The following ZNF33A variants were observed in gnomAD, a reference collection of about 807,000 sequenced individuals.
ZNF33A encodes brain my041 protein.
In ZNF33A, 9 loss-of-function variants were observed where a neutral mutation model predicts 15.9. That is an observed-to-expected ratio of 0.57 (90% CI 0.34 to 0.99). The LOEUF (loss-of-function observed/expected upper bound fraction) is 0.99. ZNF33A is among the 50% of genes least tolerant of loss of function. The pLI is 0.02. For missense variants in ZNF33A, 843 were observed against 941.6 expected (o/e 0.90, Z 1.37); for synonymous variants, 294 against 324.2 (o/e 0.91, Z 1.00).
At chr10:38,046,248 G>A (rs2065941744) in intron 4 of ZNF33A, among the ~76,000 whole-genome samples, 1 of 152,126 alleles carries the variant, frequency 6.6e-6, no homozygotes, top group Admixed American at 6.6e-5. Flanking sequence ...TGAATGTTCA[G>A]CAAAGTACTA....
chr10:38,014,537 T>C (rs2064356082), intron 2 of ZNF33A, among the ~76,000 whole-genome samples: 1 of 152,254 alleles, frequency 6.6e-6, no homozygotes. Flanking sequence ...TGTCTACTTC[T>C]GTATGAGGTA....
chr10:38,056,282 T>C lies in ZNF33A; in HGVS notation c.2158T>C (p.Ser720Pro). Residue 720 changes from serine (S) to proline (P), a missense_variant, in exon 5 of 5, where the codon TCT (serine) becomes CCT (proline). By Grantham distance (74) the Ser-to-Pro change is moderately conservative (BLOSUM62 -1). Transcript: ENST00000432900. ...TCACAGGGCTCACACAGGAGAGAAA[T>C]CTTGTCAATGTAATGAATGTGGAAA... ...VHHRAHTGEK[S>P]CQCNECGKIF... 6.2e-7 allele frequency: 1 copy of C among 1,613,966 alleles called. No homozygotes were observed. The highest frequency in any genetic ancestry group is 8.5e-7 in the Non-Finnish European group (1 of 1,179,968).
intron 4 of ZNF33A, among the ~76,000 whole-genome samples, chr10:38,024,163 C>CAAAAAAAAAAAAAAAAAA (rs71007682): frequency 5.4e-5 from 5 of 93,188 alleles, no homozygotes; most frequent in Non-Finnish European, 6.2e-5. Context: ...AAAAACAAAA[C>CAAAAAAAAAAAAAAAAAA]AAAAAAAAAA....
chr10:38,022,097 T>C (rs1457739469), intron 4 of ZNF33A, among the ~76,000 whole-genome samples: 1 of 151,794 alleles, frequency 6.6e-6, no homozygotes, highest in African/African-American at 2.4e-5. Flanking sequence ...AAGAGCAAAA[T>C]AAAACCTCTG....
chr10:38,047,593 T>C (rs1564867470), intron 4 of ZNF33A, among the ~76,000 whole-genome samples: 1 of 115,240 alleles, frequency 8.7e-6, no homozygotes, highest in Non-Finnish European at 1.7e-5. Flanking sequence ...ACCACTGCAC[T>C]CCAGCCTGGC....
intron 4 of ZNF33A, among the ~76,000 whole-genome samples, chr10:38,032,140 G>A (rs2135635169): frequency 6.6e-6 from 1 of 152,034 alleles, no homozygotes. Flanking sequence ...AATAAAACAA[G>A]GGTTGGGAAG....
chr10:38,024,406 A>T (rs2064895186), intron 4 of ZNF33A, among the ~76,000 whole-genome samples: 1 of 152,194 alleles, frequency 6.6e-6, no homozygotes, highest in South Asian at 2.1e-4. Flanking sequence ...GATGAAAGAA[A>T]TAATAGAAAT....
chr10:38,047,209 A>AAG, intron 4 of ZNF33A, among the ~76,000 whole-genome samples: 1 of 149,650 alleles, frequency 6.7e-6, no homozygotes, highest in East Asian at 2.0e-4. Context: ...AAAAAAAAAA[A>AAG]AAAAGAATAA....
At chr10:38,012,637 G>A (rs2064246532) in intron 2 of ZNF33A, among the ~76,000 whole-genome samples, 1 of 152,042 alleles carries the variant, frequency 6.6e-6, no homozygotes, top group Non-Finnish European at 1.5e-5. Flanking sequence ...TCACCGTGTT[G>A]CCTAGGCTGG....
intron 4 of ZNF33A, among the ~76,000 whole-genome samples, chr10:38,046,642 C>T (rs2065958119): frequency 6.6e-6 from 1 of 152,128 alleles, no homozygotes; most frequent in Admixed American, 6.5e-5. Context: ...GACTTACAGA[C>T]ATGTGGGAAA....
intron 4 of ZNF33A, among the ~76,000 whole-genome samples, chr10:38,028,586 GC>G (rs1267891220): frequency 2.0e-5 from 3 of 151,812 alleles, no homozygotes; most frequent in Non-Finnish European, 2.9e-5. Context: ...TCATGCCTCA[GC>G]CTCCCAAGTA....
chr10:38,048,801 T>C (rs1474382059), intron 4 of ZNF33A, among the ~76,000 whole-genome samples: 1 of 152,072 alleles, frequency 6.6e-6, no homozygotes, highest in African/African-American at 2.4e-5. Context: ...GAAGGAGAAA[T>C]AGATCCACAG....
Position 38,056,742 on chromosome 10 carries a change from A to G in ZNF33A, c.*182A>G. The G allele has an allele frequency of 2.4e-6, 3 of 1,249,088 alleles. No individual in the cohort carries two copies. The highest frequency in any genetic ancestry group is 3.0e-6 in the Non-Finnish European group (3 of 997,184). The allele number at this position is 1,249,088 out of a possible 1,614,324, so 77.4% of individuals were successfully genotyped here. On this transcript the variant is annotated 3_prime_UTR_variant, in exon 5 of 5. Transcript: ENST00000432900. ...TGTGAAAGTTTTTGGCAAAAATGCA[A>G]ATAAGGTTATGTTAGAATTTACACT...
intron 4 of ZNF33A, among the ~76,000 whole-genome samples, chr10:38,045,067 T>C (rs1180113442): frequency 6.6e-6 from 1 of 152,220 alleles, no homozygotes; most frequent in Non-Finnish European, 1.5e-5. Flanking sequence ...TGTATGTAGG[T>C]GACAGTGTCC....
intron 4 of ZNF33A, among the ~76,000 whole-genome samples, chr10:38,048,195 G>T (rs1210924211): frequency 6.6e-5 from 10 of 152,144 alleles, no homozygotes; most frequent in Non-Finnish European, 1.5e-4. Context: ...GATCTACCTA[G>T]GGGGATGAAG....
At position 38,058,452 on chromosome 10, in the gene ZNF33A, A is replaced by C. The variant is rs1420476557; in HGVS notation, c.*1892A>C. The C allele has an allele frequency of 6.6e-6, 1 of 152,224 alleles. No individual in the cohort carries two copies. Among genetic ancestry groups the C allele is most frequent in the Non-Finnish European group, 1.5e-5 (1 of 68,044 alleles). 9.4% of individuals were successfully genotyped at this position (152,224 alleles called of 1,614,324 possible). Reference sequence around the variant, plus strand: ...CCTCAATAGGCATATGTATCTATTAAATAAACCAAAGCAGTAATTAATAAC... The same window carrying C: ...CCTCAATAGGCATATGTATCTATTACATAAACCAAAGCAGTAATTAATAAC... On this transcript the variant is annotated 3_prime_UTR_variant, in exon 5 of 5. Transcript: ENST00000432900.
At chr10:38,029,656 C>T (rs1309619462) in intron 4 of ZNF33A, among the ~76,000 whole-genome samples, 3 of 152,098 alleles carry the variant, frequency 2.0e-5, no homozygotes, top group Non-Finnish European at 4.4e-5. Context: ...GTTGTCCACT[C>T]AAGAACAACA....
rs751522698 is a variant in ZNF33A, at chr10:38,010,979, G to C, written c.-45+196G>C. Reference sequence around the variant, plus strand: ...AAGGCGCGGCCTCTGTACGGAGCAGGGTACGCAGCGTGTGTCGCCCCATTT... The same window carrying C: ...AAGGCGCGGCCTCTGTACGGAGCAGCGTACGCAGCGTGTGTCGCCCCATTT... On this transcript the variant is annotated intron_variant, in intron 1 of 4. Coordinates refer to ENST00000432900, the MANE Select transcript of ZNF33A (RefSeq NM_006954.2). Among the ~76,000 whole-genome samples the C allele has an allele frequency of 2.0e-5, 3 of 152,248 alleles. No individual in the cohort carries two copies. In the South Asian group the frequency reaches 6.2e-4, roughly 32 times the overall value.
At chr10:38,040,061 T>A (rs1450339867) in intron 4 of ZNF33A, among the ~76,000 whole-genome samples, 1 of 152,078 alleles carries the variant, frequency 6.6e-6, no homozygotes, top group African/African-American at 2.4e-5. Context: ...TGTCTTCATT[T>A]TTATCTCAAA....
Sources: gnomAD v4.1 joint callset for allele counts (sites outside exome capture counted in the v4.1 genomes callset) on GRCh38, gnomAD v4.1.1 for gene constraint, MANE v1.5 for transcripts, NCBI Gene and HGNC (gene_info 2026-07-23, HGNC 2026-07-21) for gene names.